The following EVC2 variants were observed in gnomAD, a reference collection of about 807,000 sequenced individuals.
EVC2 encodes the protein limbin.
In EVC2, 148 loss-of-function variants were observed where a neutral mutation model predicts 149.3. The observed-to-expected ratio is 0.99, with a 90% confidence interval of 0.87 to 1.14. EVC2 has a LOEUF of 1.14. Among genes scored for constraint, EVC2 ranks in the 50% most tolerant of loss-of-function variants. The probability of loss-of-function intolerance (pLI) is 0.00; values close to 1 mark genes in which losing one functional copy is unlikely to be tolerated. For synonymous variants in EVC2, 776 were observed against 649.9 expected (o/e 1.19, Z -2.95); for missense variants, 1,854 against 1,627.3 (o/e 1.14, Z -2.40).
intron 9 of EVC2, among the ~76,000 whole-genome samples, chr4:5,646,313 G>C (rs1388352146): frequency 6.6e-6 from 1 of 152,010 alleles, no homozygotes; most frequent in Non-Finnish European, 1.5e-5. Flanking sequence ...TTTCCCTAAT[G>C]ATCTTTTTTT....
Position 5,622,069 on chromosome 4 carries a change from G to A in EVC2, c.2501+468C>T, listed in dbSNP as rs1311832536. Among the ~76,000 whole-genome samples the A allele has an allele frequency of 2.0e-5, 3 of 152,044 alleles. No individual in the cohort carries two copies. The highest frequency in any genetic ancestry group is 2.9e-5 in the Non-Finnish European group (2 of 68,034). On this transcript the variant is annotated intron_variant, in intron 14 of 21. Transcript: ENST00000344408. The surrounding 1 kb of genome is among the most constrained non-coding windows in gnomAD (Gnocchi z 5.8). ...ACTAACACGAAGGTCAAGATCATGA[G>A]CAGCCTTGATGCCTGGTGAAACTAG...
intron 20 of EVC2, among the ~76,000 whole-genome samples, chr4:5,566,071 G>A (rs1722266575): frequency 6.6e-6 from 1 of 152,270 alleles, no homozygotes; most frequent in African/African-American, 2.4e-5. Flanking sequence ...AGAGGACACA[G>A]TGGGAGCTCC....
rs1302115937 is a variant in EVC2, at chr4:5,613,722, A to ACG, written c.2829+1699_2829+1700insCG. Among the ~76,000 whole-genome samples the ACG allele has an allele frequency of 7.1e-6, 1 of 140,048 alleles. No homozygotes were observed. Among genetic ancestry groups the ACG allele is most frequent in the African/African-American group, 3.3e-5 (1 of 30,178 alleles). The allele number at this position is 140,048 out of a possible 152,430, so 91.9% of individuals were successfully genotyped here. A position where few individuals can be genotyped will look rare whatever the true frequency, so the allele number is the denominator to read the frequency against. On this transcript the variant is annotated intron_variant, in intron 16 of 21. Coordinates refer to ENST00000344408, the MANE Select transcript of EVC2 (RefSeq NM_147127.5). The surrounding 1 kb of genome is among the most constrained non-coding windows in gnomAD (Gnocchi z 4.6). The stretch of plus-strand genomic sequence containing the variant: ...AGGAAGCCCAGTGGCTCTCACATTG[A>ACG]TGTATATCTCTTGAATTAGCCTTTA...
At chr4:5,668,969 G>A (rs866057701) in intron 7 of EVC2, among the ~76,000 whole-genome samples, 7 of 152,168 alleles carry the variant, frequency 4.6e-5, no homozygotes, top group African/African-American at 1.2e-4. Context: ...TCCAATGATC[G>A]TGTCTTCATG....
chr4:5,640,655 T>C lies in EVC2; in HGVS notation c.1329A>G (p.Ile443Met). ...CCATCTTCCGATCGTACTCCTCTTG[T>C]ATTTCATTTTCCAGCAATAGAAACT... ...KKQFLLLENE[I>M]QEEYDRKMVA... is the part of the protein sequence containing the mutation. Residue 443 changes from isoleucine (I) to methionine (M), a missense_variant, in exon 10 of 22, where the codon ATA becomes ATG. By Grantham distance (10) the Ile-to-Met change is conservative. Coordinates refer to ENST00000344408, the MANE Select transcript of EVC2 (RefSeq NM_147127.5). This position sits in a 1 kb window ranked among gnomAD's most constrained non-coding sequence, Gnocchi z 4.6. 1.2e-6 allele frequency: 2 copies of C among 1,614,176 alleles called. No individual in the cohort carries two copies. Among genetic ancestry groups the C allele is most frequent in the Non-Finnish European group, 1.7e-6 (2 of 1,180,030 alleles).
rs1266837510 is a variant in EVC2 at position 5,625,686 on chromosome 4, TG to T, written c.2046+62del. 1.2e-6 allele frequency: 2 copies of T among 1,601,918 alleles called. No homozygotes were observed. Among genetic ancestry groups the T allele is most frequent in the Non-Finnish European group, 1.7e-6 (2 of 1,171,004 alleles). On this transcript the variant is annotated intron_variant, in intron 13 of 21. Transcript: ENST00000344408. The surrounding 1 kb of genome is among the most constrained non-coding windows in gnomAD (Gnocchi z 4.0). ...CAATGGCAATGTCTGGCACAGTACC[TG>T]GCACTTGATGGGTATCAGAAAGTGC...
At chr4:5,594,448 T>C (rs966589379) in intron 16 of EVC2, among the ~76,000 whole-genome samples, 1 of 152,182 alleles carries the variant, frequency 6.6e-6, no homozygotes, top group Non-Finnish European at 1.5e-5. Context: ...CCGCTGCTGG[T>C]ACCCAGGTAA....
intron 5 of EVC2, among the ~76,000 whole-genome samples, chr4:5,685,860 C>T (rs1720670293): frequency 6.6e-6 from 1 of 152,188 alleles, no homozygotes; most frequent in Non-Finnish European, 1.5e-5. Context: ...AGAGGCTGTA[C>T]CAGGACTGGA....
intron 16 of EVC2, among the ~76,000 whole-genome samples, chr4:5,599,150 C>G (rs962277894): frequency 3.0e-4 from 45 of 151,846 alleles, no homozygotes; most frequent in East Asian, 2.5e-3. Context: ...AACCATTGTG[C>G]AAGTCAGTGT....
intron 16 of EVC2, among the ~76,000 whole-genome samples, chr4:5,596,851 A>T (rs958448324): frequency 5.3e-5 from 8 of 152,240 alleles, no homozygotes; most frequent in African/African-American, 1.7e-4. Context: ...GAGAAGAATC[A>T]AATACACGCA....
At chr4:5,533,881 T>A in the EVC2 span, among the ~76,000 whole-genome samples, 3 of 152,078 alleles carry the variant, frequency 2.0e-5, no homozygotes, top group African/African-American at 4.8e-5. Context: ...CAGAAATAGA[T>A]GGTGCAAAGG....
intron 1 of EVC2, among the ~76,000 whole-genome samples, chr4:5,699,950 G>C (rs1474692194): frequency 6.6e-6 from 1 of 152,146 alleles, no homozygotes; most frequent in East Asian, 1.9e-4. Context: ...AGACCAGTCT[G>C]GCCCACATGG....
At chr4:5,578,230 TCTC>T (rs1456454877) in intron 17 of EVC2, among the ~76,000 whole-genome samples, 2 of 108,420 alleles carry the variant, frequency 1.8e-5, no homozygotes, top group East Asian at 7.7e-4. Flanking sequence ...GTTGACATGT[TCTC>T]CTTTCTCCCA....
chr4:5,580,786 A>G (rs1200988448), intron 17 of EVC2, among the ~76,000 whole-genome samples: 1 of 1,020 alleles, frequency 9.8e-4, no homozygotes, highest in Non-Finnish European at 2.0e-3. Flanking sequence ...TGTTAAATTC[A>G]ATTAAAGACT....
chr4:5,694,595 G>A (rs1004914002), intron 2 of EVC2, 94 bp from the exon 3 acceptor site: 30 of 1,445,922 alleles, frequency 2.1e-5, no homozygotes, highest in Non-Finnish European at 2.6e-5. Context: ...GTACATGGAA[G>A]GTACTTAGAA....
At chr4:5,568,386 A>T in intron 20 of EVC2, 58 bp downstream of exon 20, 1 of 1,517,402 alleles carries the variant, frequency 6.6e-7, no homozygotes, top group Non-Finnish European at 8.8e-7. Flanking sequence ...TTGAGGACTC[A>T]TGGGGACCCT....
At chr4:5,556,035 C>T (rs1367720989) in intron 21 of EVC2, among the ~76,000 whole-genome samples, 3 of 151,600 alleles carry the variant, frequency 2.0e-5, no homozygotes, top group Non-Finnish European at 2.9e-5. Flanking sequence ...AAAAATTAGC[C>T]GGGCATGGTG....
At chr4:5,692,730 G>A (rs903495651) in intron 3 of EVC2, among the ~76,000 whole-genome samples, 5 of 150,964 alleles carry the variant, frequency 3.3e-5, no homozygotes, top group Admixed American at 6.6e-5. Flanking sequence ...AGCCGGGCGC[G>A]GTGGCGGGCG....
intron 16 of EVC2, among the ~76,000 whole-genome samples, chr4:5,596,936 C>G (rs1713476375): frequency 6.6e-6 from 1 of 152,170 alleles, no homozygotes; most frequent in Admixed American, 6.6e-5. Flanking sequence ...ACTACAAACA[C>G]CTCTACGCAA....
Sources: gnomAD v4.1 joint callset for allele counts (sites outside exome capture counted in the v4.1 genomes callset) on GRCh38, gnomAD v4.1.1 for gene constraint, Gnocchi (gnomAD v3.1) non-coding constraint, MANE v1.5 for transcripts, NCBI Gene and HGNC (gene_info 2026-07-23, HGNC 2026-07-21) for gene names.